TRMO: variants seen among roughly 807,000 people sequenced by gnomAD.
TRMO encodes tRNA methyltransferase O.
TRMO carries 30 observed loss-of-function variants against 37.2 expected under a neutral mutation model. The observed-to-expected ratio is 0.81, with a 90% confidence interval of 0.60 to 1.09. The LOEUF is 1.09. Among genes scored for constraint, TRMO ranks in the 50% least tolerant of loss-of-function variants. The probability of loss-of-function intolerance (pLI) is 0.00; values close to 1 mark genes in which losing one functional copy is unlikely to be tolerated. For missense variants in TRMO, 552 were observed against 549.5 expected (o/e 1.00, Z -0.05); for synonymous variants, 239 against 199.4 (o/e 1.20, Z -1.67).
chr9:97,922,426 A>G lies in TRMO; in HGVS notation c.68T>C (p.Leu23Pro). 6.3e-7 allele frequency: 1 copy of G among 1,582,530 alleles called. No individual in the cohort carries two copies. ...CCGGTGTTGGAAGTTACCTGTCTCC[A>G]GAGCCGGCTTAACGCAGCCGCACGG... ...ATPCGCVKPALETGNLLTEPV... is the reference protein window; with the variant it reads ...ATPCGCVKPAPETGNLLTEPV... The change falls in exon 1 of 5, where the codon CTG becomes CCG. Residue 23 changes from leucine to proline, a missense_variant. Physicochemically the swap from Leu to Pro is moderately conservative, Grantham distance 98 (BLOSUM62 -3). Coordinates refer to ENST00000375119, the MANE Select transcript of TRMO (RefSeq NM_016481.5).
In TRMO at chr9:97,916,179, T is replaced by A. The variant is rs142235262; in HGVS notation, c.236A>T (p.Gln79Leu). The stretch of plus-strand genomic sequence containing the variant: ...AGCAACTTACCAAACATGAGAAAAC[T>A]GTTCTAGGCCCATCAAGGAATGTTC... ...NPEHSLMGLE[Q>L]FSHVWILFVF... The change falls in exon 2 of 5, where the codon CAG becomes CTG. Residue 79 changes from glutamine (Q) to leucine (L), a missense_variant. Coordinates refer to ENST00000375119, the MANE Select transcript of TRMO (RefSeq NM_016481.5). 4.8e-4 allele frequency: 756 copies of A among 1,585,318 alleles called. 2 individuals carry two copies. The African/African-American group carries it at 9.2e-3, about 19-fold the overall frequency.
chr9:97,904,704 T>C lies in TRMO; in HGVS notation c.*29A>G. The C allele has an allele frequency of 6.2e-7, 1 of 1,606,152 alleles. No homozygotes were observed. The highest frequency in any genetic ancestry group is 8.5e-7 in the Non-Finnish European group (1 of 1,175,938). Reference sequence around the variant, plus strand: ...AAAAGCCACATCCAAAGATCAATGATGCTACCTTAAAGACATGAGGGAGGC... The same window carrying C: ...AAAAGCCACATCCAAAGATCAATGACGCTACCTTAAAGACATGAGGGAGGC... On this transcript the variant is annotated 3_prime_UTR_variant, in exon 5 of 5. Coordinates refer to ENST00000375119, the MANE Select transcript of TRMO (RefSeq NM_016481.5).
intron 1 of TRMO, 30 bp downstream of exon 1, chr9:97,922,386 CAG>C: frequency 2.1e-6 from 3 of 1,459,676 alleles, no homozygotes; most frequent in Non-Finnish European, 2.8e-6. Context: ...TAAACCTCTC[CAG>C]AGTGTGGCAC....
At chr9:97,920,085 C>T (rs1480910304) in intron 1 of TRMO, among the ~76,000 whole-genome samples, 2 of 152,208 alleles carry the variant, frequency 1.3e-5, no homozygotes, top group African/African-American at 4.8e-5. Flanking sequence ...GAATTCTGGT[C>T]TTCTTCTTCT....
intron 3 of TRMO, chr9:97,910,867 A>G: frequency 1.7e-6 from 1 of 584,400 alleles, no homozygotes; most frequent in Admixed American, 2.8e-5. Flanking sequence ...TGGCTCCTCC[A>G]GACAAAAGCA....
In TRMO at chr9:97,904,845, T is replaced by G. The variant is rs748349714; in HGVS notation, c.1214A>C (p.His405Pro). The change falls in exon 5 of 5, where the codon CAT becomes CCT. Residue 405 changes from histidine (H) to proline (P), a missense_variant. Physicochemically the swap from His to Pro is moderately conservative, Grantham distance 77. Coordinates refer to ENST00000375119, the MANE Select transcript of TRMO (RefSeq NM_016481.5). ...GCCATCACCAAACCAGCAAGTGACA[T>G]GCGCTATGTCTACAGTAAAGTAGAA... is the stretch of plus-strand genomic sequence containing the variant. The part of the protein sequence containing the change: ...RLFYFTVDIA[H>P]VTCWFGDGFA... 79 of 1,614,072 alleles carry G rather than the reference T, an allele frequency of 4.9e-5. No individual in the cohort carries two copies. Among genetic ancestry groups the G allele is most frequent in the Non-Finnish European group, 6.6e-5 (78 of 1,180,040 alleles).
intron 1 of TRMO, among the ~76,000 whole-genome samples, chr9:97,919,362 GA>G (rs1031619832): frequency 2.1e-4 from 16 of 76,536 alleles, no homozygotes; most frequent in South Asian, 3.6e-4. Context: ...ACAAAGAGAA[GA>G]AAAAAAAAAG....
chr9:97,904,771 T>C lies in TRMO; in HGVS notation c.1288A>G (p.Thr430Ala). 3 of 1,613,898 alleles carry C rather than the reference T, an allele frequency of 1.9e-6. No homozygotes were observed. Among genetic ancestry groups the C allele is most frequent in the Non-Finnish European group, 2.5e-6 (3 of 1,180,024 alleles). Residue 430 changes from threonine to alanine, a missense_variant, in exon 5 of 5, where the codon ACT becomes GCT. By Grantham distance (58) the Thr-to-Ala change is moderately conservative. Coordinates refer to ENST00000375119, the MANE Select transcript of TRMO (RefSeq NM_016481.5). Reference protein sequence around the residue: ...IKPASEPVHMTGPVGSLVSLG... With the variant: ...IKPASEPVHMAGPVGSLVSLG... ...GACACCAAGGACCCCACAGGGCCAG[T>C]CATATGAACAGGCTCAGAAGCCGGC...
chr9:97,917,618 T>C lies in TRMO; in HGVS notation c.77-1280A>G, dbSNP rs571485691. On this transcript the variant is annotated intron_variant, in intron 1 of 4. Coordinates refer to ENST00000375119, the MANE Select transcript of TRMO (RefSeq NM_016481.5). ...TTACATATTTACCTTCTTAAACACA[T>C]ACAGGTATGTTTGGAAAGCTATCTG... 7.2e-5 allele frequency among the ~76,000 whole-genome samples: 11 copies of C among 152,328 alleles called. No homozygotes were observed. In the East Asian group the frequency reaches 1.5e-3, roughly 21 times the overall value.
intron 1 of TRMO, 128 bp from the exon 2 acceptor site, chr9:97,916,466 T>A: frequency 1.5e-6 from 1 of 646,336 alleles, no homozygotes. Flanking sequence ...ATAAAAATGA[T>A]TTTTATAGTA....
intron 4 of TRMO, among the ~76,000 whole-genome samples, chr9:97,908,818 C>A (rs1236698553): frequency 6.6e-6 from 1 of 152,134 alleles, no homozygotes; most frequent in Non-Finnish European, 1.5e-5. Flanking sequence ...AGAACCTAGA[C>A]CAATGTCTGG....
At chr9:97,911,491 T>A (rs1030955444) in intron 3 of TRMO, 7 of 152,352 alleles carry the variant, frequency 4.6e-5, no homozygotes, top group Admixed American at 2.0e-4. Context: ...AGCCTCCAGA[T>A]AAGAACTCAT....
the TRMO span, among the ~76,000 whole-genome samples, chr9:97,898,508 T>A: frequency 6.6e-6 from 1 of 152,086 alleles, no homozygotes; most frequent in Non-Finnish European, 1.5e-5. Context: ...CCCCGTTTTT[T>A]AATTTTGTGT....
intron 4 of TRMO, among the ~76,000 whole-genome samples, chr9:97,908,217 C>A (rs918027115): frequency 6.6e-6 from 1 of 152,098 alleles, no homozygotes; most frequent in Non-Finnish European, 1.5e-5. Flanking sequence ...TCGAGACCAT[C>A]CTGCCTAACA....
At chr9:97,914,300 T>C (rs1304560897) in intron 2 of TRMO, among the ~76,000 whole-genome samples, 1 of 152,192 alleles carries the variant, frequency 6.6e-6, no homozygotes, top group African/African-American at 2.4e-5. Context: ...TGAGCTTCAC[T>C]AATAATTAGA....
rs1368901369 is a variant in TRMO at position 97,913,497 on chromosome 9, T to C, written c.313A>G (p.Arg105Gly). The C allele has an allele frequency of 1.5e-5, 24 of 1,614,000 alleles. No homozygotes were observed. Among genetic ancestry groups the C allele is most frequent in the Non-Finnish European group, 1.5e-5 (18 of 1,179,990 alleles). Residue 105 changes from arginine (R) to glycine (G), a missense_variant, in exon 3 of 5, where the codon AGG becomes GGG. Coordinates refer to ENST00000375119, the MANE Select transcript of TRMO (RefSeq NM_016481.5). ...ACTCCAGTCTTTGCACCATTCAGCC[T>C]AGGAGGCTGCACTTTTGCCTTACAG... ...LSCKAKVQPPRLNGAKTGVFS... is the reference protein window; with the variant it reads ...LSCKAKVQPPGLNGAKTGVFS...
At chr9:97,916,873 T>C (rs1315266879) in intron 1 of TRMO, among the ~76,000 whole-genome samples, 1 of 151,270 alleles carries the variant, frequency 6.6e-6, no homozygotes, top group South Asian at 2.1e-4. Context: ...GCTCAACTTT[T>C]TTTTTTTTTT....
intron 1 of TRMO, among the ~76,000 whole-genome samples, chr9:97,918,947 T>C (rs551321116): frequency 1.3e-5 from 2 of 152,344 alleles, no homozygotes; most frequent in African/African-American, 4.8e-5. Context: ...CAGTATTTCA[T>C]TGATTTTTGT....
chr9:97,908,233 A>C (rs1054329582), intron 4 of TRMO, among the ~76,000 whole-genome samples: 4 of 152,132 alleles, frequency 2.6e-5, no homozygotes, highest in African/African-American at 9.7e-5. Context: ...TAACACGGTG[A>C]AACTCAGTCT....
Sources: gnomAD v4.1 joint callset for allele counts (sites outside exome capture counted in the v4.1 genomes callset) on GRCh38, gnomAD v4.1.1 for gene constraint, MANE v1.5 for transcripts, NCBI Gene and HGNC (gene_info 2026-07-23, HGNC 2026-07-21) for gene names.